PEDS1: variants seen among roughly 807,000 people sequenced by gnomAD.
The protein encoded by PEDS1 is plasmanylethanolamine desaturase 1.
In PEDS1, 14 loss-of-function variants were observed where a neutral mutation model predicts 35.2. That is an observed-to-expected ratio of 0.40 (90% CI 0.26 to 0.62). The LOEUF (loss-of-function observed/expected upper bound fraction) is 0.62. Ranked by LOEUF, PEDS1 falls within the 20% of genes least tolerant of loss-of-function variation. The pLI, the probability that PEDS1 is intolerant of heterozygous loss-of-function variation, is 0.44. For missense variants in PEDS1, 260 were observed against 367.8 expected (o/e 0.71, Z 2.40); for synonymous variants, 152 against 152.0 (o/e 1.00, Z 0.00).
In PEDS1 at chr20:50,122,253, G is replaced by A. The variant is rs1366423987; in HGVS notation, c.*2805C>T. The stretch of plus-strand genomic sequence containing the variant: ...ACACCTGTAGACTTTTCCGTTTTAT[G>A]AGCTAATACGATTATTTTAGCTGTT... On this transcript the variant is annotated 3_prime_UTR_variant, in exon 6 of 6. Transcript: ENST00000371652. The A allele has an allele frequency of 1.3e-5, 2 of 152,138 alleles. No individual in the cohort carries two copies. Among genetic ancestry groups the A allele is most frequent in the African/African-American group, 4.8e-5 (2 of 41,424 alleles). The allele number at this position is 152,138 out of a possible 1,614,324, so 9.4% of individuals were successfully genotyped here. A position where few individuals can be genotyped will look rare whatever the true frequency, so the allele number is the denominator to read the frequency against.
At chr20:50,146,675 C>T (rs567173922) in intron 1 of PEDS1, among the ~76,000 whole-genome samples, 1 of 152,266 alleles carries the variant, frequency 6.6e-6, no homozygotes, top group East Asian at 1.9e-4. Context: ...TTGAAAAGAC[C>T]AAGGCTCAGA....
rs1203142408 is a variant in PEDS1, at chr20:50,129,415, C to G, written c.478+131G>C. ...CTTCATGTCAGGTTTCCTGATTTTA[C>G]ATGAAGACAATGAATGAAAACTCTT... On this transcript the variant is annotated intron_variant, in intron 4 of 5. Coordinates refer to ENST00000371652, the MANE Select transcript of PEDS1 (RefSeq NM_199129.4). This position sits in a 1 kb window ranked among gnomAD's most constrained non-coding sequence, Gnocchi z 4.2. 5 of 1,364,070 alleles carry G rather than the reference C, an allele frequency of 3.7e-6. No individual in the cohort carries two copies. The highest frequency in any genetic ancestry group is 1.5e-5 in the African/African-American group (1 of 68,238). The allele number at this position is 1,364,070 out of a possible 1,614,324, so 84.5% of individuals were successfully genotyped here. A position where few individuals can be genotyped will look rare whatever the true frequency, so the allele number is the denominator to read the frequency against.
intron 2 of PEDS1, among the ~76,000 whole-genome samples, chr20:50,142,715 G>T (rs989050315): frequency 5.1e-5 from 2 of 39,398 alleles, no homozygotes; most frequent in Non-Finnish European, 9.7e-5. Flanking sequence ...GCCTCCCACA[G>T]TGCTGGGACT....
chr20:50,129,451 A>C lies in PEDS1; in HGVS notation c.478+95T>G. ...TGAATGAAAACTCTTTTAAAATACCATAAGGAGCCAAACACATAAGCCCCA... is the reference window on the plus strand; with the variant it reads ...TGAATGAAAACTCTTTTAAAATACCCTAAGGAGCCAAACACATAAGCCCCA... On this transcript the variant is annotated intron_variant, in intron 4 of 5. Transcript: ENST00000371652. This position sits in a 1 kb window ranked among gnomAD's most constrained non-coding sequence, Gnocchi z 4.2. 1 of 1,508,956 alleles carries C rather than the reference A, an allele frequency of 6.6e-7. No homozygotes were observed. Among genetic ancestry groups the C allele is most frequent in the Non-Finnish European group, 8.9e-7 (1 of 1,126,326 alleles). 93.5% of individuals were successfully genotyped at this position (1,508,956 alleles called of 1,614,324 possible). A position where few individuals can be genotyped will look rare whatever the true frequency, so the allele number is the denominator to read the frequency against.
chr20:50,143,732 C>CT, intron 1 of PEDS1, 111 bp from the exon 2 acceptor site: 6 of 1,468,994 alleles, frequency 4.1e-6, no homozygotes, highest in Non-Finnish European at 2.7e-6. Context: ...GAGTCTCACT[C>CT]TATCACCCAG....
rs2081053485 is a variant in PEDS1 at position 50,121,826 on chromosome 20, T to C, written c.*3232A>G. 1.3e-5 allele frequency: 2 copies of C among 152,354 alleles called. No homozygotes were observed. Among genetic ancestry groups the C allele is most frequent in the South Asian group, 4.1e-4 (2 of 4,822 alleles). The allele number at this position is 152,354 out of a possible 1,614,324, so 9.4% of individuals were successfully genotyped here. A position where few individuals can be genotyped will look rare whatever the true frequency, so the allele number is the denominator to read the frequency against. On this transcript the variant is annotated 3_prime_UTR_variant, in exon 6 of 6. Coordinates refer to ENST00000371652, the MANE Select transcript of PEDS1 (RefSeq NM_199129.4). ...CGGCTCCAGGGGAACTGACACAGAT[T>C]GGTGGGGCCTGGAAACCAACACCAC...
chr20:50,137,005 T>A (rs944036943), intron 2 of PEDS1, among the ~76,000 whole-genome samples: 25 of 151,890 alleles, frequency 1.6e-4, no homozygotes, highest in Admixed American at 6.6e-5. Flanking sequence ...CACTCCAGCC[T>A]GGGTGACAGA....
chr20:50,147,644 G>A (rs1361096299), intron 1 of PEDS1, among the ~76,000 whole-genome samples: 1 of 152,146 alleles, frequency 6.6e-6, no homozygotes, highest in Non-Finnish European at 1.5e-5. Flanking sequence ...CTCTCCCCAC[G>A]CCATGGAGAA....
chr20:50,119,277 A>C lies in PEDS1; in HGVS notation c.*5781T>G, dbSNP rs2081031920. On this transcript the variant is annotated 3_prime_UTR_variant, in exon 6 of 6. Coordinates refer to ENST00000371652, the MANE Select transcript of PEDS1 (RefSeq NM_199129.4). ...AAGACCCCCGTCTCTAAAAATAATAAAAAAAAATTAGCTCAGCATGGTGGC... is the reference window on the plus strand; with the variant it reads ...AAGACCCCCGTCTCTAAAAATAATACAAAAAAATTAGCTCAGCATGGTGGC... The C allele has an allele frequency of 6.6e-6, 1 of 151,740 alleles. No individual in the cohort carries two copies. Among genetic ancestry groups the C allele is most frequent in the Admixed American group, 6.6e-5 (1 of 15,206 alleles). 9.4% of individuals were successfully genotyped at this position (151,740 alleles called of 1,614,324 possible).
Position 50,124,969 on chromosome 20 carries a change from G to A in PEDS1, c.*89C>T, listed in dbSNP as rs1321306892. The A allele has an allele frequency of 2.6e-6, 4 of 1,563,312 alleles. No individual in the cohort carries two copies. Among genetic ancestry groups the A allele is most frequent in the Admixed American group, 3.5e-5 (2 of 57,758 alleles). On this transcript the variant is annotated 3_prime_UTR_variant, in exon 6 of 6. Transcript: ENST00000371652. The stretch of plus-strand genomic sequence containing the variant: ...CCAGGAGATGTCCTCTCCATCTGGA[G>A]GGGCCAGCTCAAAGAGGCTGGAATT...
Position 50,124,862 on chromosome 20 carries a change from G to GAAGA in PEDS1, c.*195_*196insTCTT. 1 of 526,658 alleles carries GAAGA rather than the reference G, an allele frequency of 1.9e-6. No homozygotes were observed. The highest frequency in any genetic ancestry group is 3.1e-6 in the Non-Finnish European group (1 of 324,990). The allele number at this position is 526,658 out of a possible 1,614,324, so 32.6% of individuals were successfully genotyped here. A position where few individuals can be genotyped will look rare whatever the true frequency, so the allele number is the denominator to read the frequency against. ...CTCAGGTGGCTGAGGAGGGGCCGAG[G>GAAGA]AAAAAAAAAAAAAAGAAATGAAAAA... On this transcript the variant is annotated 3_prime_UTR_variant, in exon 6 of 6. Transcript: ENST00000371652.
intron 1 of PEDS1, among the ~76,000 whole-genome samples, chr20:50,147,269 A>G (rs1315597158): frequency 6.6e-6 from 1 of 152,162 alleles, no homozygotes; most frequent in Non-Finnish European, 1.5e-5. Context: ...TAAAATTCCT[A>G]GTTTCCTGCT....
chr20:50,121,989 C>T lies in PEDS1; in HGVS notation c.*3069G>A, dbSNP rs2081054708. ...CAGATGGACATTTTTCAGCCCTGGG[C>T]AACCAGAGCATTTCACCCCACTGGC... is the stretch of plus-strand genomic sequence containing the variant. On this transcript the variant is annotated 3_prime_UTR_variant, in exon 6 of 6. Coordinates refer to ENST00000371652, the MANE Select transcript of PEDS1 (RefSeq NM_199129.4). 6.6e-6 allele frequency: 1 copy of T among 152,228 alleles called. No individual in the cohort carries two copies. Among genetic ancestry groups the T allele is most frequent in the Non-Finnish European group, 1.5e-5 (1 of 68,086 alleles). 9.4% of individuals were successfully genotyped at this position (152,228 alleles called of 1,614,324 possible). A position where few individuals can be genotyped will look rare whatever the true frequency, so the allele number is the denominator to read the frequency against.
chr20:50,143,423 C>G, intron 2 of PEDS1, 79 bp downstream of exon 2: 1 of 1,540,670 alleles, frequency 6.5e-7, no homozygotes, highest in South Asian at 1.2e-5. Context: ...TGCATGTGGA[C>G]ACACACACGC....
At chr20:50,142,994 A>G (rs1161349544) in intron 2 of PEDS1, among the ~76,000 whole-genome samples, 2 of 152,066 alleles carry the variant, frequency 1.3e-5, no homozygotes, top group Admixed American at 6.6e-5. Flanking sequence ...AGGTACACTG[A>G]GGAGCCGGTG....
chr20:50,150,358 A>G (rs1348779471), intron 1 of PEDS1, among the ~76,000 whole-genome samples: 2 of 152,068 alleles, frequency 1.3e-5, no homozygotes, highest in African/African-American at 2.4e-5. Flanking sequence ...CCTCCAGCCT[A>G]CATGTGTCCT....
rs2081026745 is a variant in PEDS1, at chr20:50,118,774, C to T, written c.*6284G>A. Reference sequence around the variant, plus strand: ...AGCTGGGATTACAGGCACCCGCCACCACACCCAGCTAATTATTTCTTTTGT... The same window carrying T: ...AGCTGGGATTACAGGCACCCGCCACTACACCCAGCTAATTATTTCTTTTGT... On this transcript the variant is annotated 3_prime_UTR_variant, in exon 6 of 6. Transcript: ENST00000371652. 2 of 152,136 alleles carry T rather than the reference C, an allele frequency of 1.3e-5. No individual in the cohort carries two copies. Among genetic ancestry groups the T allele is most frequent in the Non-Finnish European group, 2.9e-5 (2 of 68,038 alleles). 9.4% of individuals were successfully genotyped at this position (152,136 alleles called of 1,614,324 possible). A position where few individuals can be genotyped will look rare whatever the true frequency, so the allele number is the denominator to read the frequency against.
chr20:50,144,744 T>C (rs950099284), intron 1 of PEDS1, among the ~76,000 whole-genome samples: 1 of 152,138 alleles, frequency 6.6e-6, no homozygotes, highest in Non-Finnish European at 1.5e-5. Flanking sequence ...TAAGTGGACG[T>C]GGAGAGATGT....
At position 50,130,874 on chromosome 20, in the gene PEDS1, C is replaced by G; in HGVS notation, c.315G>C (p.Glu105Asp). The change falls in exon 3 of 6, where the codon GAG becomes GAC. Residue 105 changes from glutamate (E) to aspartate (D), a missense_variant. Around this residue, in one of 4 missense-constraint regions of PEDS1, gnomAD observed 34 missense variants for 81.9 expected, o/e 0.41. Transcript: ENST00000371652. Reference protein sequence around the residue: ...HWGADTWGSVELPIVGKAFIR... With the variant: ...HWGADTWGSVDLPIVGKAFIR... ...TACTCACCTTCCCCACAATGGGCAG[C>G]TCCACAGAGCCCCATGTGTCAGCAC... is the stretch of plus-strand genomic sequence containing the variant. 1 of 1,614,202 alleles carries G rather than the reference C, an allele frequency of 6.2e-7. No homozygotes were observed. Among genetic ancestry groups the G allele is most frequent in the Admixed American group, 1.7e-5 (1 of 60,018 alleles).
Sources: gnomAD v4.1 joint callset for allele counts (sites outside exome capture counted in the v4.1 genomes callset) on GRCh38, gnomAD v4.1.1 for gene constraint, gnomAD v4.1.1 regional missense constraint, Gnocchi (gnomAD v3.1) non-coding constraint, MANE v1.5 for transcripts, NCBI Gene and HGNC (gene_info 2026-07-23, HGNC 2026-07-21) for gene names.